HYKK: variants seen among roughly 807,000 people sequenced by gnomAD.
HYKK encodes the protein 5-hydroxy-L-lysine kinase.
A neutral mutation model predicts 29.7 loss-of-function variants in HYKK; 19 were observed. The ratio of observed to expected loss-of-function variants is 0.64; its 90% CI spans 0.45 to 0.94. HYKK has a LOEUF of 0.94. Ranked by LOEUF, HYKK falls within the 40% of genes least tolerant of loss-of-function variation. The pLI is 0.00. For synonymous variants in HYKK, 152 were observed against 158.1 expected (o/e 0.96, Z 0.29); for missense variants, 390 against 443.4 (o/e 0.88, Z 1.08).
chr15:78,536,804 A>T (rs2052367143), downstream of HYKK, among the ~76,000 whole-genome samples: 1 of 152,208 alleles, frequency 6.6e-6, no homozygotes, highest in South Asian at 2.1e-4. Flanking sequence ...TCTGTGCGGA[A>T]GTTTCCAGAA....
chr15:78,520,841 G>A (rs960522791), intron 3 of HYKK, among the ~76,000 whole-genome samples: 14 of 151,582 alleles, frequency 9.2e-5, no homozygotes, highest in African/African-American at 2.2e-4. Context: ...CTCACCTCCC[G>A]GACGGGGCAG....
Position 78,535,259 on chromosome 15 carries a change from A to ATT in HYKK, c.*1591_*1592dup. The ATT allele has an allele frequency of 8.1e-6, 1 of 123,616 alleles. No individual in the cohort carries two copies. The highest frequency in any genetic ancestry group is 1.8e-5 in the Non-Finnish European group (1 of 57,098). The allele number at this position is 123,616 out of a possible 1,614,324, so 7.7% of individuals were successfully genotyped here. On this transcript the variant is annotated 3_prime_UTR_variant, in exon 5 of 5. Transcript: ENST00000388988. Reference sequence around the variant, plus strand: ...TTTCACTTCTTTGTCCCTCAATTTCATTTCATTTCTTTTTCTTTTCTTTTC... The same window carrying ATT: ...TTTCACTTCTTTGTCCCTCAATTTCATTTTTCATTTCTTTTTCTTTTCTTTTC...
intron 3 of HYKK, among the ~76,000 whole-genome samples, chr15:78,521,333 T>C (rs1050557155): frequency 3.3e-5 from 5 of 151,952 alleles, no homozygotes; most frequent in Non-Finnish European, 7.4e-5. Context: ...GAAGAAAGTA[T>C]AGGACAGGCT....
chr15:78,515,267 A>T (rs2052119213), intron 3 of HYKK, among the ~76,000 whole-genome samples, 160 bp downstream of exon 3: 1 of 152,152 alleles, frequency 6.6e-6, no homozygotes, highest in South Asian at 2.1e-4. Flanking sequence ...TTATGACAGT[A>T]AGGCTAACTT....
At chr15:78,510,344 C>T (rs2052061647) in intron 1 of HYKK, among the ~76,000 whole-genome samples, 1 of 150,878 alleles carries the variant, frequency 6.6e-6, no homozygotes, top group African/African-American at 2.5e-5. Context: ...CCACCATGCC[C>T]GGCTAATTTT....
rs1470408137 is a variant in HYKK, at chr15:78,536,320, C to G, written c.*2650C>G. ...TGCTACACACACACACACACACACA[C>G]ACACACACACATGCACACTCACTCA... On this transcript the variant is annotated 3_prime_UTR_variant, in exon 5 of 5. Transcript: ENST00000388988. 6.6e-6 allele frequency: 1 copy of G among 152,184 alleles called. No homozygotes were observed. Among genetic ancestry groups the G allele is most frequent in the Non-Finnish European group, 1.5e-5 (1 of 68,096 alleles). 9.4% of individuals were successfully genotyped at this position (152,184 alleles called of 1,614,324 possible).
At chr15:78,511,761 A>G (rs966033324) in intron 1 of HYKK, among the ~76,000 whole-genome samples, 2 of 151,608 alleles carry the variant, frequency 1.3e-5, no homozygotes, top group Non-Finnish European at 2.9e-5. Flanking sequence ...GGCCAGGTCC[A>G]GTGGCTCACA....
chr15:78,526,249 G>A (rs886412700), intron 3 of HYKK, among the ~76,000 whole-genome samples: 1 of 152,204 alleles, frequency 6.6e-6, no homozygotes, highest in Non-Finnish European at 1.5e-5. Flanking sequence ...TTCTAGGTGT[G>A]GGGATACAGG....
At chr15:78,526,830 G>C (rs2052259109) in intron 3 of HYKK, among the ~76,000 whole-genome samples, 1 of 152,176 alleles carries the variant, frequency 6.6e-6, no homozygotes, top group African/African-American at 2.4e-5. Flanking sequence ...ACTATTTTGT[G>C]AGTTAAAGTA....
At chr15:78,528,802 A>AT in intron 4 of HYKK, 1 of 323,234 alleles carries the variant, frequency 3.1e-6, no homozygotes, top group Non-Finnish European at 3.9e-6. Flanking sequence ...ATCCGTCTCC[A>AT]AAAAAAAAAA....
Position 78,510,562 on chromosome 15 carries a change from T to C in HYKK, c.-5-2522T>C, listed in dbSNP as rs1230230400. ...GGACTGAGGCAGGGAGGGGGTCATA[T>C]AGGAGATTTCTGGTATATCTCCCTG... is the stretch of plus-strand genomic sequence containing the variant. On this transcript the variant is annotated intron_variant, in intron 1 of 4. Transcript: ENST00000388988. Among the ~76,000 whole-genome samples the C allele has an allele frequency of 3.9e-5, 6 of 152,126 alleles. No individual in the cohort carries two copies. The East Asian group carries it at 5.8e-4, about 15-fold the overall frequency.
chr15:78,524,675 G>T (rs77349058), intron 3 of HYKK, among the ~76,000 whole-genome samples: 8 of 152,134 alleles, frequency 5.3e-5, no homozygotes, highest in African/African-American at 9.7e-5. Flanking sequence ...TGGGCCTGGT[G>T]GTGGGTGCCT....
At chr15:78,519,496 A>T (rs1318394923) in intron 3 of HYKK, among the ~76,000 whole-genome samples, 1 of 152,104 alleles carries the variant, frequency 6.6e-6, no homozygotes, top group Non-Finnish European at 1.5e-5. Context: ...ACAGTGGCTC[A>T]CTCCTATAAT....
At chr15:78,533,156 G>C (rs12907169) in intron 4 of HYKK, 54 bp from the exon 5 acceptor site, 392,966 of 1,090,218 alleles carry the variant, frequency 0.36, 76,015 homozygotes, top group Non-Finnish European at 0.41. Context: ...GAAATGGAAG[G>C]GGAATGAATT....
intron 1 of HYKK, among the ~76,000 whole-genome samples, chr15:78,511,439 A>G (rs937162812): frequency 6.6e-6 from 1 of 152,084 alleles, no homozygotes; most frequent in Admixed American, 6.6e-5. Context: ...TAAAAATTCA[A>G]GGCCCAGCGT....
At chr15:78,515,312 T>C (rs1391754382) in intron 3 of HYKK, among the ~76,000 whole-genome samples, 1 of 152,072 alleles carries the variant, frequency 6.6e-6, no homozygotes, top group Non-Finnish European at 1.5e-5. Flanking sequence ...CCAGGTGTTG[T>C]GGCCCACGCC....
At position 78,535,904 on chromosome 15, in the gene HYKK, A is replaced by G. The variant is rs2052358443; in HGVS notation, c.*2234A>G. The G allele has an allele frequency of 6.6e-6, 1 of 152,150 alleles. No individual in the cohort carries two copies. The highest frequency in any genetic ancestry group is 2.4e-5 in the African/African-American group (1 of 41,382). The allele number at this position is 152,150 out of a possible 1,614,324, so 9.4% of individuals were successfully genotyped here. On this transcript the variant is annotated 3_prime_UTR_variant, in exon 5 of 5. Transcript: ENST00000388988. ...AACTAATTTATTTTATTTTGTAGAGATAGGGTCTCACTATGTTGCCCAGGC... is the reference window on the plus strand; with the variant it reads ...AACTAATTTATTTTATTTTGTAGAGGTAGGGTCTCACTATGTTGCCCAGGC...
chr15:78,530,503 G>A (rs948080769), intron 4 of HYKK, among the ~76,000 whole-genome samples: 2 of 152,046 alleles, frequency 1.3e-5, no homozygotes, highest in South Asian at 4.1e-4. Context: ...CTTTATATTA[G>A]TGCTGTCCAG....
rs1555411228 is a variant in HYKK, at chr15:78,514,908, CTATATA to C, written c.338-45_338-40del. The C allele has an allele frequency of 3.2e-4, 125 of 385,430 alleles. 11 individuals are homozygous for C. Among genetic ancestry groups the C allele is most frequent in the South Asian group, 2.5e-3 (26 of 10,608 alleles). The allele number at this position is 385,430 out of a possible 1,614,324, so 23.9% of individuals were successfully genotyped here. ...TAAATACCTCTCTCTCTCTCTCTCT[CTATATA>C]TATATATATATATAAATAATTTAGT... On this transcript the variant is annotated intron_variant, in intron 2 of 4. Coordinates refer to ENST00000388988, the MANE Select transcript of HYKK (RefSeq NM_001013619.4).
Sources: gnomAD v4.1 joint callset for allele counts (sites outside exome capture counted in the v4.1 genomes callset) on GRCh38, gnomAD v4.1.1 for gene constraint, MANE v1.5 for transcripts, NCBI Gene and HGNC (gene_info 2026-07-23, HGNC 2026-07-21) for gene names.